NRXN3: variants seen among roughly 807,000 people sequenced by gnomAD.
NRXN3 encodes neurexin III.
NRXN3 carries 32 observed loss-of-function variants against 137.6 expected under a neutral mutation model. The observed-to-expected ratio is 0.23, with a 90% confidence interval of 0.18 to 0.31. NRXN3 has a LOEUF of 0.31. Among genes scored for constraint, NRXN3 ranks in the 10% least tolerant of loss-of-function variants. The pLI is 1.00. For synonymous variants in NRXN3, 798 were observed against 784.5 expected, an observed-to-expected ratio of 1.02 and a Z score of -0.29; for missense variants, 1,574 against 2,062.5, an observed-to-expected ratio of 0.76 and a Z score of 4.59.
intron 20 of NRXN3, among the ~76,000 whole-genome samples, chr14:79,820,225 A>G (rs911466586): frequency 6.6e-6 from 1 of 152,206 alleles, no homozygotes; most frequent in African/African-American, 2.4e-5. Flanking sequence ...TGACACAGGC[A>G]GTGAATGAGG....
chr14:78,225,656 C>G (rs1052039024), intron 1 of NRXN3, among the ~76,000 whole-genome samples: 15 of 152,136 alleles, frequency 9.9e-5, no homozygotes, highest in African/African-American at 3.6e-4. Flanking sequence ...TTTAGCCTTA[C>G]ATTTTTTTCC....
intron 4 of NRXN3, among the ~76,000 whole-genome samples, chr14:78,442,104 A>G (rs1401763911): frequency 5.6e-5 from 6 of 107,806 alleles, no homozygotes; most frequent in Non-Finnish European, 9.9e-5. Context: ...TCAAAAAGAA[A>G]AAAAAAAAAA....
chr14:79,067,499 T>TC (rs2099682248), intron 15 of NRXN3, among the ~76,000 whole-genome samples: 1 of 152,050 alleles, frequency 6.6e-6, no homozygotes, highest in African/African-American at 2.4e-5. Context: ...TAGGGAGGAG[T>TC]CCCTCCTCTT....
intron 16 of NRXN3, among the ~76,000 whole-genome samples, chr14:79,577,464 A>G (rs980432017): frequency 6.6e-6 from 1 of 152,060 alleles, no homozygotes; most frequent in Non-Finnish European, 1.5e-5. Flanking sequence ...TTTTGAATTT[A>G]CCTTTCTCCC....
chr14:79,070,364 A>G (rs1264351612), intron 15 of NRXN3, among the ~76,000 whole-genome samples: 1 of 152,204 alleles, frequency 6.6e-6, no homozygotes, highest in African/African-American at 2.4e-5. Context: ...AGCACTCCCA[A>G]TAACAGGTCA....
rs183389300 is a variant in NRXN3 at position 79,861,419 on chromosome 14, C to T, written c.4171C>T (p.Pro1391Ser). The T allele has an allele frequency of 2.6e-6, 4 of 1,536,322 alleles. No individual in the cohort carries two copies. The African/African-American group carries it at 4.1e-5, about 16-fold the overall frequency. The part of the protein sequence containing the change: ...APKWESKDFR[P>S]NKVSETSRTT... The stretch of plus-strand genomic sequence containing the variant: ...CAAGTGGGAATCCAAGGACTTTAGA[C>T]CTAACAAAGTCTCCGAAACTAGTAG... Residue 1391 changes from proline (P) to serine (S), a missense_variant, in exon 21 of 21, where the codon CCT becomes TCT. Coordinates refer to ENST00000335750, the MANE Select transcript of NRXN3 (RefSeq NM_001330195.2). The surrounding 1 kb of genome is among the most constrained non-coding windows in gnomAD (Gnocchi z 5.4).
intron 18 of NRXN3, among the ~76,000 whole-genome samples, chr14:79,693,245 G>A (rs1476933337): frequency 7.2e-5 from 11 of 151,946 alleles, no homozygotes; most frequent in Non-Finnish European, 1.2e-4. Flanking sequence ...CTTAACATTT[G>A]TAGAGATTTC....
intron 17 of NRXN3, among the ~76,000 whole-genome samples, chr14:79,686,242 G>GA (rs1014835872): frequency 6.0e-4 from 86 of 143,248 alleles, no homozygotes; most frequent in Non-Finnish European, 8.8e-4. Context: ...TCTCAGAGAA[G>GA]AAAAAAAAAA....
At chr14:79,084,484 TA>T (rs779522493) in intron 15 of NRXN3, among the ~76,000 whole-genome samples, 1 of 152,092 alleles carries the variant, frequency 6.6e-6, no homozygotes, top group African/African-American at 2.4e-5. Context: ...TAATAAATAA[TA>T]AAAAAGTACT....
chr14:79,521,345 T>A (rs543966099), intron 16 of NRXN3, among the ~76,000 whole-genome samples: 1 of 152,298 alleles, frequency 6.6e-6, no homozygotes, highest in Non-Finnish European at 1.5e-5. Context: ...TAATGTATTA[T>A]ATTTTTAGTG....
At chr14:78,778,773 TTTCTTTCTTTCTTTC>T (rs2098756421) in intron 8 of NRXN3, among the ~76,000 whole-genome samples, 1 of 96,592 alleles carries the variant, frequency 1.0e-5, no homozygotes. Context: ...TCTTTCTTTC[TTTCTTTCTTTCTTTC>T]TTTCTTTCTT....
intron 19 of NRXN3, among the ~76,000 whole-genome samples, chr14:79,774,344 A>C (rs2099089904): frequency 6.6e-6 from 1 of 152,292 alleles, no homozygotes; most frequent in South Asian, 2.1e-4. Context: ...AGAGCAAGTC[A>C]ATGGTAATAT....
At chr14:78,617,373 G>A (rs1210960060) in intron 4 of NRXN3, among the ~76,000 whole-genome samples, 3 of 152,128 alleles carry the variant, frequency 2.0e-5, no homozygotes, top group Non-Finnish European at 4.4e-5. Flanking sequence ...TGTGAGCTTT[G>A]CCATAAAATG....
chr14:79,137,180 G>T (rs747015492), intron 15 of NRXN3, among the ~76,000 whole-genome samples: 2 of 152,220 alleles, frequency 1.3e-5, no homozygotes, highest in Non-Finnish European at 2.9e-5. Context: ...ATTTGCTGCT[G>T]TCTCAATAGG....
intron 20 of NRXN3, among the ~76,000 whole-genome samples, chr14:79,845,306 T>A (rs987093461): frequency 1.3e-5 from 2 of 152,236 alleles, no homozygotes; most frequent in Admixed American, 1.3e-4. Context: ...TTTCAAGAAC[T>A]TTTCCTTTGC....
At chr14:79,694,267 ATTCCCCAAGGGTG>A (rs2098726767) in intron 18 of NRXN3, among the ~76,000 whole-genome samples, 1 of 151,944 alleles carries the variant, frequency 6.6e-6, no homozygotes, top group Non-Finnish European at 1.5e-5. Context: ...AATACTGCCT[ATTCCCCAAGGGTG>A]TTCTGAGGTT....
intron 1 of NRXN3, among the ~76,000 whole-genome samples, chr14:78,212,523 TG>T (rs1305866152): frequency 6.6e-6 from 1 of 152,180 alleles, no homozygotes; most frequent in Non-Finnish European, 1.5e-5. Context: ...CCATTTCATG[TG>T]GGTTCTGGTT....
At chr14:78,725,694 ACT>A (rs2098479858) in intron 8 of NRXN3, among the ~76,000 whole-genome samples, 1 of 151,960 alleles carries the variant, frequency 6.6e-6, no homozygotes, top group South Asian at 2.1e-4. Context: ...GTGGGGGGTG[ACT>A]CTTTTATCGG....
intron 15 of NRXN3, among the ~76,000 whole-genome samples, chr14:79,395,161 T>C (rs2094977584): frequency 6.6e-6 from 1 of 152,212 alleles, no homozygotes; most frequent in Non-Finnish European, 1.5e-5. Context: ...CAGGGGAAGA[T>C]ATGAAATATT....
Sources: gnomAD v4.1 joint callset for allele counts (sites outside exome capture counted in the v4.1 genomes callset) on GRCh38, gnomAD v4.1.1 for gene constraint, Gnocchi (gnomAD v3.1) non-coding constraint, MANE v1.5 for transcripts, NCBI Gene and HGNC (gene_info 2026-07-23, HGNC 2026-07-21) for gene names.